NRG3: variants seen among roughly 807,000 people sequenced by gnomAD.
The protein encoded by NRG3 is neuregulin 3, also known as pro-neuregulin-3, membrane-bound isoform.
Under a neutral mutation model 66.9 loss-of-function variants are expected in NRG3, and 31 were observed. The observed-to-expected ratio is 0.46, with a 90% CI of 0.35 to 0.63. The LOEUF (loss-of-function observed/expected upper bound fraction) is 0.63. Ranked by LOEUF, NRG3 falls within the 20% of genes least tolerant of loss-of-function variation. The pLI is 0.00. For synonymous variants in NRG3, 393 were observed against 359.4 expected, an observed-to-expected ratio of 1.09 and a Z score of -1.06; for missense variants, 910 against 878.9, an observed-to-expected ratio of 1.04 and a Z score of -0.45.
At position 82,959,018 on chromosome 10, in the gene NRG3, A is replaced by G. The variant is rs1397189986; in HGVS notation, c.1227A>G (p.Ala409=). Residue 409 remains alanine, a synonymous_variant, in exon 6 of 9, where the codon GCA becomes GCG. Transcript: ENST00000372141. ...ATGGTAAAAGCTACAGTCTCAAAGC[A>G]TCCAGCACAATGGCAAAGTCAGAGA... ...PQNGKSYSLK[A]SSTMAKSENL... 6.2e-7 allele frequency: 1 copy of G among 1,608,056 alleles called. No individual in the cohort carries two copies. Among genetic ancestry groups the G allele is most frequent in the Non-Finnish European group, 8.5e-7 (1 of 1,178,388 alleles).
intron 2 of NRG3, among the ~76,000 whole-genome samples, chr10:82,575,687 G>A (rs554174914): frequency 4.6e-5 from 7 of 151,838 alleles, no homozygotes; most frequent in African/African-American, 1.4e-4. Context: ...CTTCATATTA[G>A]CATTTCCTAT....
chr10:82,528,775 G>T (rs573940229), intron 2 of NRG3, among the ~76,000 whole-genome samples: 1 of 151,778 alleles, frequency 6.6e-6, no homozygotes, highest in African/African-American at 2.4e-5. Flanking sequence ...ATTAGTGAGT[G>T]TAAAAAAAAA....
At chr10:82,978,560 C>CAT (rs1292054926) in intron 7 of NRG3, among the ~76,000 whole-genome samples, 1 of 152,156 alleles carries the variant, frequency 6.6e-6, no homozygotes. Context: ...GTCAGCGTCT[C>CAT]ATAAGAAGGC....
chr10:82,349,105 T>G (rs1288386750), intron 1 of NRG3, among the ~76,000 whole-genome samples: 1 of 152,220 alleles, frequency 6.6e-6, no homozygotes, highest in Admixed American at 6.5e-5. Flanking sequence ...TCGTTGCTGG[T>G]GAGGAACTGC....
intron 2 of NRG3, among the ~76,000 whole-genome samples, chr10:82,486,481 C>G (rs1016015774): frequency 6.6e-6 from 1 of 151,566 alleles, no homozygotes; most frequent in African/African-American, 2.4e-5. Flanking sequence ...GTGGTGCAAT[C>G]TTGGCTCACT....
At chr10:82,566,622 A>T (rs906394971) in intron 2 of NRG3, among the ~76,000 whole-genome samples, 1 of 151,992 alleles carries the variant, frequency 6.6e-6, no homozygotes, top group South Asian at 2.1e-4. Context: ...ACATATGTTT[A>T]TATCCCAAAA....
chr10:82,147,983 G>C (rs1190234797), intron 1 of NRG3, among the ~76,000 whole-genome samples: 1 of 152,160 alleles, frequency 6.6e-6, no homozygotes, highest in African/African-American at 2.4e-5. Flanking sequence ...GTTTCATGAG[G>C]CTTTGGAATT....
chr10:82,677,046 C>G (rs570268768), intron 2 of NRG3, among the ~76,000 whole-genome samples: 41 of 139,316 alleles, frequency 2.9e-4, no homozygotes, highest in African/African-American at 1.2e-3. Flanking sequence ...TTCTTTCTTT[C>G]TCTCTCTCTC....
chr10:82,708,182 G>T (rs1409816486), intron 2 of NRG3, among the ~76,000 whole-genome samples: 4 of 151,714 alleles, frequency 2.6e-5, no homozygotes, highest in African/African-American at 9.7e-5. Context: ...TATTTTTGTG[G>T]GATTACTGTG....
At chr10:81,947,939 C>G (rs1485438363) in intron 1 of NRG3, among the ~76,000 whole-genome samples, 1 of 152,040 alleles carries the variant, frequency 6.6e-6, no homozygotes, top group South Asian at 2.1e-4. Context: ...TAACTTCTCC[C>G]TCTGAGTGTG....
chr10:81,959,883 GTTTA>G lies in NRG3; in HGVS notation c.823+83728_823+83731del, dbSNP rs1182244280. ...ATGTAGAGTGTAATGTATTGTGTAA[GTTTA>G]TTTATTTTTTCCCTAAATCAGTAAC... On this transcript the variant is annotated intron_variant, in intron 1 of 8. Transcript: ENST00000372141. Among the ~76,000 whole-genome samples, 4 of 152,044 alleles carry G rather than the reference GTTTA, an allele frequency of 2.6e-5. No homozygotes were observed. In the South Asian group the frequency reaches 6.2e-4, roughly 24 times the overall value.
intron 1 of NRG3, among the ~76,000 whole-genome samples, chr10:82,078,082 T>A (rs1342827595): frequency 6.6e-6 from 1 of 152,136 alleles, no homozygotes; most frequent in East Asian, 1.9e-4. Flanking sequence ...TCTCTCTGTC[T>A]CTGTCTCTCT....
rs187573172 is a variant in NRG3 at position 81,927,591 on chromosome 10, G to A, written c.823+51428G>A. ...TAGTCATTATTTATTTATTTTAAAT[G>A]ATAGACTTTGTGTCTTCGATTTACA... is the stretch of plus-strand genomic sequence containing the variant. On this transcript the variant is annotated intron_variant, in intron 1 of 8. Coordinates refer to ENST00000372141, the MANE Select transcript of NRG3 (RefSeq NM_001010848.4). Among the ~76,000 whole-genome samples the A allele has an allele frequency of 1.2e-3, 177 of 152,202 alleles. 1 individual carries two copies. Among genetic ancestry groups the A allele is most frequent in the Middle Eastern group, 0.01 (3 of 294 alleles).
At chr10:82,189,075 A>G (rs1392472758) in intron 1 of NRG3, among the ~76,000 whole-genome samples, 1 of 152,184 alleles carries the variant, frequency 6.6e-6, no homozygotes, top group Non-Finnish European at 1.5e-5. Context: ...CTACTTTTGA[A>G]AACGGTTTAA....
chr10:82,592,099 A>G (rs2047015273), intron 2 of NRG3, among the ~76,000 whole-genome samples: 1 of 152,222 alleles, frequency 6.6e-6, no homozygotes, highest in Admixed American at 6.5e-5. Flanking sequence ...ATTAATAAGG[A>G]TAAACAAAAC....
At chr10:82,274,860 C>T (rs149584641) in intron 1 of NRG3, among the ~76,000 whole-genome samples, 2 of 152,028 alleles carry the variant, frequency 1.3e-5, no homozygotes, top group East Asian at 3.9e-4. Context: ...CTTGATCAGA[C>T]AAGACAGAAT....
At chr10:82,935,781 G>A (rs1279678682) in intron 4 of NRG3, among the ~76,000 whole-genome samples, 1 of 151,752 alleles carries the variant, frequency 6.6e-6, no homozygotes, top group South Asian at 2.1e-4. Context: ...GTGCCACCAC[G>A]CCTGGATAAT....
intron 2 of NRG3, among the ~76,000 whole-genome samples, chr10:82,419,254 T>A (rs2088875978): frequency 6.6e-6 from 1 of 152,300 alleles, no homozygotes; most frequent in East Asian, 1.9e-4. Flanking sequence ...TTTCCTAATT[T>A]AAGGCAAATT....
At chr10:82,617,157 C>A (rs2048710236) in intron 2 of NRG3, among the ~76,000 whole-genome samples, 1 of 151,792 alleles carries the variant, frequency 6.6e-6, no homozygotes, top group Non-Finnish European at 1.5e-5. Flanking sequence ...ACCACTCACA[C>A]ACACACCACA....
Sources: allele counts gnomAD v4.1 joint callset (sites outside exome capture counted in the v4.1 genomes callset), GRCh38; gene constraint gnomAD v4.1.1; transcripts MANE v1.5; gene names NCBI Gene and HGNC (gene_info 2026-07-23, HGNC 2026-07-21).